Variants in IL1RAPL2 observed in about 807,000 individuals in gnomAD.
IL1RAPL2 encodes the protein interleukin 1 receptor accessory protein like 2, also known as X-linked interleukin-1 receptor accessory protein-like 2.
A neutral mutation model predicts 44.1 loss-of-function variants in IL1RAPL2; 3 were observed. The observed-to-expected ratio is 0.07, with a 90% CI of 0.03 to 0.18. The LOEUF (loss-of-function observed/expected upper bound fraction) is 0.18. Ranked by LOEUF, IL1RAPL2 falls within the 10% of genes least tolerant of loss-of-function variation. The pLI, the probability that IL1RAPL2 is intolerant of heterozygous loss-of-function variation, is 1.00. For synonymous variants in IL1RAPL2, 181 were observed against 178.8 expected (o/e 1.01, Z -0.10); for missense variants, 391 against 496.4 (o/e 0.79, Z 2.02).
At chrX:105,694,101 G>C (rs2038058420) in intron 6 of IL1RAPL2, among the ~76,000 whole-genome samples, 1 of 111,949 alleles carries the variant, frequency 8.9e-6, no homozygotes, top group African/African-American at 3.2e-5. Flanking sequence ...TTAAATAAAA[G>C]CAGAAGCTAC....
Position 104,949,255 on chromosome X carries a change from G to A in IL1RAPL2, c.83-246220G>A, listed in dbSNP as rs186234898. ...TGGTAGTTTGTATTTCTGTGGGATC[G>A]GTGGTGATATCCCCTTTATCATTTT... On this transcript the variant is annotated intron_variant, in intron 2 of 10. Coordinates refer to ENST00000372582, the MANE Select transcript of IL1RAPL2 (RefSeq NM_017416.2). Among the ~76,000 whole-genome samples the A allele has an allele frequency of 7.5e-3, 823 of 109,517 alleles. 5 individuals carry two copies. Among genetic ancestry groups the A allele is most frequent in the Non-Finnish European group, 8.8e-3 (462 of 52,457 alleles).
At chrX:105,366,782 C>T (rs929690941) in intron 5 of IL1RAPL2, among the ~76,000 whole-genome samples, 2 of 111,265 alleles carry the variant, frequency 1.8e-5, no homozygotes, top group African/African-American at 6.5e-5. Context: ...TGGAATGCTT[C>T]GTGTGTACTT....
intron 5 of IL1RAPL2, among the ~76,000 whole-genome samples, chrX:105,440,855 T>G: frequency 9.0e-6 from 1 of 111,239 alleles, no homozygotes; most frequent in Non-Finnish European, 1.9e-5. Flanking sequence ...ACTGTTCTTG[T>G]GGTAGTGAAT....
chrX:105,446,076 T>A (rs7885694), intron 5 of IL1RAPL2, among the ~76,000 whole-genome samples: 3,550 of 111,620 alleles, frequency 0.032, 151 homozygotes, highest in African/African-American at 0.11. Context: ...TGCTCCAATG[T>A]CAAGTGCTTA....
chrX:105,522,824 A>G (rs181176416), intron 6 of IL1RAPL2, among the ~76,000 whole-genome samples: 13 of 111,838 alleles, frequency 1.2e-4, no homozygotes, highest in Admixed American at 1.1e-3. Flanking sequence ...TGCTTCTTCA[A>G]TAATCAGTAT....
At chrX:105,623,529 T>G (rs746366944) in intron 6 of IL1RAPL2, among the ~76,000 whole-genome samples, 1 of 111,261 alleles carries the variant, frequency 9.0e-6, no homozygotes, top group East Asian at 2.9e-4. Context: ...TGAATCTAAG[T>G]AAATCCTTCT....
intron 7 of IL1RAPL2, among the ~76,000 whole-genome samples, chrX:105,737,945 A>T (rs2147573259): frequency 8.9e-6 from 1 of 111,957 alleles, no homozygotes; most frequent in Non-Finnish European, 1.9e-5. Flanking sequence ...TAACCATAAG[A>T]TGTGGTCTCC....
intron 1 of IL1RAPL2, among the ~76,000 whole-genome samples, chrX:104,588,220 C>T (rs1331452927): frequency 9.0e-6 from 1 of 111,010 alleles, no homozygotes; most frequent in Non-Finnish European, 1.9e-5. Flanking sequence ...CACTCCCCTC[C>T]CCGCCCCTCC....
In IL1RAPL2 at chrX:105,112,885, C is replaced by G. The variant is rs527832690; in HGVS notation, c.83-82590C>G. On this transcript the variant is annotated intron_variant, in intron 2 of 10. Coordinates refer to ENST00000372582, the MANE Select transcript of IL1RAPL2 (RefSeq NM_017416.2). ...CTCCAGGGAATTATGTATGTTCACT[C>G]TTCATTGTTTTCCTCTAAAGGGATC... is the stretch of plus-strand genomic sequence containing the variant. Among the ~76,000 whole-genome samples the G allele has an allele frequency of 5.9e-3, 662 of 112,676 alleles. 9 individuals carry two copies. The highest frequency in any genetic ancestry group is 0.02 in the African/African-American group (634 of 31,079).
chrX:104,750,219 A>G (rs1018800930), intron 2 of IL1RAPL2, among the ~76,000 whole-genome samples: 12 of 111,431 alleles, frequency 1.1e-4, no homozygotes, highest in African/African-American at 3.3e-4. Flanking sequence ...TTTAATAGCC[A>G]TGATGTCATT....
chrX:105,507,375 G>A (rs1462071847), intron 6 of IL1RAPL2, among the ~76,000 whole-genome samples: 3 of 111,688 alleles, frequency 2.7e-5, no homozygotes, highest in Non-Finnish European at 3.8e-5. Context: ...TGGCCATCAA[G>A]TCAAAATATA....
intron 2 of IL1RAPL2, among the ~76,000 whole-genome samples, chrX:104,772,057 T>C (rs1932649213): frequency 1.8e-5 from 2 of 111,436 alleles, no homozygotes; most frequent in South Asian, 7.6e-4. Flanking sequence ...GTCTATTAGA[T>C]GGTCTGGACC....
intron 2 of IL1RAPL2, among the ~76,000 whole-genome samples, chrX:105,041,713 T>C (rs1205998237): frequency 9.2e-6 from 1 of 108,209 alleles, no homozygotes; most frequent in African/African-American, 3.4e-5. Flanking sequence ...CTTCACAGAA[T>C]TGGAAAAAAC....
chrX:104,876,646 GCTTT>G (rs1182272009), intron 2 of IL1RAPL2, among the ~76,000 whole-genome samples: 3 of 72,588 alleles, frequency 4.1e-5, no homozygotes, highest in African/African-American at 1.7e-4. Flanking sequence ...CTGTTATATA[GCTTT>G]CTTTTTTTTT....
At chrX:105,614,262 A>G (rs2037357176) in intron 6 of IL1RAPL2, among the ~76,000 whole-genome samples, 1 of 112,123 alleles carries the variant, frequency 8.9e-6, no homozygotes, top group Non-Finnish European at 1.9e-5. Context: ...TACCCAAAGC[A>G]ATCTACAAAT....
At chrX:104,812,246 C>T (rs1290342375) in intron 2 of IL1RAPL2, among the ~76,000 whole-genome samples, 1 of 111,513 alleles carries the variant, frequency 9.0e-6, no homozygotes, top group Non-Finnish European at 1.9e-5. Flanking sequence ...ATACAGAGTC[C>T]TACACTATTA....
intron 6 of IL1RAPL2, among the ~76,000 whole-genome samples, chrX:105,679,167 C>T (rs1302036213): frequency 1.8e-5 from 2 of 110,873 alleles, no homozygotes; most frequent in East Asian, 5.7e-4. Context: ...ACTATAATGA[C>T]ACTTGAGGCT....
rs147525820 is a variant in IL1RAPL2 at position 105,482,402 on chromosome X, G to A, written c.698-1911G>A. Reference sequence around the variant, plus strand: ...TGAAGACTAGACATTATATTAGTAGGTCTAAATTATGCCAAAGTCAATTAA... The same window carrying A: ...TGAAGACTAGACATTATATTAGTAGATCTAAATTATGCCAAAGTCAATTAA... On this transcript the variant is annotated intron_variant, in intron 5 of 10. Transcript: ENST00000372582. Among the ~76,000 whole-genome samples the A allele has an allele frequency of 2.8e-3, 307 of 111,428 alleles. 2 individuals are homozygous for A. Among genetic ancestry groups the A allele is most frequent in the African/African-American group, 9.8e-3 (302 of 30,758 alleles).
At chrX:105,284,502 C>T (rs1347961233) in intron 5 of IL1RAPL2, among the ~76,000 whole-genome samples, 1 of 112,025 alleles carries the variant, frequency 8.9e-6, no homozygotes, top group Non-Finnish European at 1.9e-5. Context: ...TCTTCAAACC[C>T]TCTGTATACC....
Sources: allele counts gnomAD v4.1 joint callset (sites outside exome capture counted in the v4.1 genomes callset), GRCh38; gene constraint gnomAD v4.1.1; transcripts MANE v1.5; gene names NCBI Gene and HGNC (gene_info 2026-07-23, HGNC 2026-07-21).